ANKIB1: variants seen among roughly 807,000 people sequenced by gnomAD.
ANKIB1 encodes ankyrin repeat and IBR domain-containing protein 1.
Under a neutral mutation model 122.1 loss-of-function variants are expected in ANKIB1, and 43 were observed. The observed-to-expected ratio is 0.35, with a 90% confidence interval of 0.28 to 0.45. The LOEUF (loss-of-function observed/expected upper bound fraction) is 0.45. Among genes scored for constraint, ANKIB1 ranks in the 20% least tolerant of loss-of-function variants. The pLI is 1.00. For synonymous variants in ANKIB1, 390 were observed against 442.0 expected, an observed-to-expected ratio of 0.88 and a Z score of 1.48; for missense variants, 992 against 1,329.5, an observed-to-expected ratio of 0.75 and a Z score of 3.95.
At chr7:92,308,743 C>T (rs140448266) in intron 3 of ANKIB1, among the ~76,000 whole-genome samples, 2 of 152,040 alleles carry the variant, frequency 1.3e-5, no homozygotes, top group Non-Finnish European at 2.9e-5. Context: ...ACTATACATA[C>T]AACAGAATAG....
intron 1 of ANKIB1, among the ~76,000 whole-genome samples, chr7:92,268,366 A>G (rs1317187560): frequency 6.6e-6 from 1 of 152,234 alleles, no homozygotes; most frequent in East Asian, 1.9e-4. Context: ...AAGCATTTCT[A>G]GCCCCTTGAT....
intron 11 of ANKIB1, among the ~76,000 whole-genome samples, chr7:92,374,740 GA>G (rs1804344898): frequency 6.6e-6 from 1 of 151,642 alleles, no homozygotes; most frequent in Non-Finnish European, 1.5e-5. Context: ...TAAACTTGAA[GA>G]AAACCAGGAG....
chr7:92,291,767 G>A (rs1042904652), intron 1 of ANKIB1, among the ~76,000 whole-genome samples: 5 of 151,790 alleles, frequency 3.3e-5, no homozygotes, highest in Admixed American at 2.0e-4. Context: ...TAGTAGAGAC[G>A]GGGTTTCACT....
intron 1 of ANKIB1, among the ~76,000 whole-genome samples, chr7:92,271,449 G>A (rs573030035): frequency 6.6e-6 from 1 of 152,074 alleles, no homozygotes; most frequent in African/African-American, 2.4e-5. Context: ...TAGTTCCTTT[G>A]CCTTTCCATA....
intron 3 of ANKIB1, among the ~76,000 whole-genome samples, chr7:92,316,927 T>C (rs1456146478): frequency 6.6e-6 from 1 of 152,206 alleles, no homozygotes; most frequent in East Asian, 1.9e-4. Context: ...TGTGGTAATA[T>C]CTGTTGCAAA....
chr7:92,373,864 T>C (rs1235866371), intron 11 of ANKIB1, among the ~76,000 whole-genome samples: 1 of 152,246 alleles, frequency 6.6e-6, no homozygotes, highest in Non-Finnish European at 1.5e-5. Flanking sequence ...AAAACACTTT[T>C]TAAAATTTCC....
intron 11 of ANKIB1, among the ~76,000 whole-genome samples, chr7:92,375,588 C>A (rs1456798509): frequency 6.6e-6 from 1 of 152,200 alleles, no homozygotes; most frequent in African/African-American, 2.4e-5. Flanking sequence ...ACTTCCAGTT[C>A]TTTTGCTATT....
intron 1 of ANKIB1, among the ~76,000 whole-genome samples, chr7:92,274,466 G>A (rs903677410): frequency 1.3e-5 from 2 of 151,962 alleles, no homozygotes; most frequent in Non-Finnish European, 2.9e-5. Context: ...ATATTGAAGG[G>A]TTTTAAGTAA....
At chr7:92,390,427 A>G (rs904953765) in intron 15 of ANKIB1, among the ~76,000 whole-genome samples, 2 of 152,134 alleles carry the variant, frequency 1.3e-5, no homozygotes, top group Non-Finnish European at 2.9e-5. Context: ...ATAATTAAGG[A>G]TTTTATCATG....
At chr7:92,324,382 C>T (rs1802978776) in intron 4 of ANKIB1, among the ~76,000 whole-genome samples, 1 of 152,060 alleles carries the variant, frequency 6.6e-6, no homozygotes, top group East Asian at 1.9e-4. Context: ...TACAGGCGCC[C>T]ACTGCCACAC....
intron 1 of ANKIB1, among the ~76,000 whole-genome samples, chr7:92,258,832 AATAAAAGAGATC>A (rs145220991): frequency 0.034 from 5,244 of 152,246 alleles, 267 homozygotes; most frequent in African/African-American, 0.11. Flanking sequence ...TTATGATTTA[AATAAAAGAGATC>A]ATAAAAGAGA....
chr7:92,247,453 A>G (rs1162000559), intron 1 of ANKIB1, among the ~76,000 whole-genome samples: 1 of 152,232 alleles, frequency 6.6e-6, no homozygotes, highest in Non-Finnish European at 1.5e-5. Context: ...ATTATTTTCA[A>G]TCATTAATTC....
At chr7:92,331,773 C>T (rs77183379) in intron 5 of ANKIB1, among the ~76,000 whole-genome samples, 444 of 152,246 alleles carry the variant, frequency 2.9e-3, no homozygotes, top group Non-Finnish European at 5.0e-3. Context: ...CTCACTGTCA[C>T]GTGGCCATAC....
intron 1 of ANKIB1, among the ~76,000 whole-genome samples, chr7:92,255,184 A>G (rs1423906858): frequency 1.3e-5 from 2 of 152,310 alleles, no homozygotes; most frequent in Non-Finnish European, 2.9e-5. Flanking sequence ...GACTAATAGA[A>G]TCATCTATAT....
intron 8 of ANKIB1, among the ~76,000 whole-genome samples, chr7:92,351,439 A>T (rs1306240936): frequency 6.6e-6 from 1 of 152,198 alleles, no homozygotes; most frequent in Non-Finnish European, 1.5e-5. Context: ...TAAGTTTTCC[A>T]AAAGACATTA....
intron 18 of ANKIB1, among the ~76,000 whole-genome samples, chr7:92,397,480 C>T (rs1379249629): frequency 6.8e-6 from 1 of 147,374 alleles, no homozygotes; most frequent in African/African-American, 2.5e-5. Context: ...AGCAAGACTC[C>T]ATCTCAAAAA....
At chr7:92,293,678 C>G (rs1169283401) in intron 1 of ANKIB1, among the ~76,000 whole-genome samples, 1 of 152,164 alleles carries the variant, frequency 6.6e-6, no homozygotes, top group Admixed American at 6.5e-5. Context: ...ATTATCTGTT[C>G]TTTTCAGGTT....
intron 3 of ANKIB1, among the ~76,000 whole-genome samples, chr7:92,317,104 A>G (rs1482983806): frequency 1.3e-5 from 2 of 152,200 alleles, no homozygotes; most frequent in Non-Finnish European, 2.9e-5. Context: ...TGAAACAGAG[A>G]GGGTAGAAAT....
rs200445431 is a variant in ANKIB1, at chr7:92,332,719, C to G, written c.787+4819C>G. 2.6e-5 allele frequency among the ~76,000 whole-genome samples: 4 copies of G among 152,242 alleles called. No homozygotes were observed. The East Asian group carries it at 5.8e-4, about 22-fold the overall frequency. On this transcript the variant is annotated intron_variant, in intron 5 of 19. Transcript: ENST00000265742. The stretch of plus-strand genomic sequence containing the variant: ...TCATCTTCCAAGCAATTAAACATTC[C>G]TGTTCCCACATCTTCTCTTCTCATT...
Sources: allele counts gnomAD v4.1 joint callset (sites outside exome capture counted in the v4.1 genomes callset), GRCh38; gene constraint gnomAD v4.1.1; transcripts MANE v1.5; gene names NCBI Gene and HGNC (gene_info 2026-07-23, HGNC 2026-07-21).